Variants in PRKD1 observed in about 807,000 individuals in gnomAD.
The protein encoded by PRKD1 is protein kinase D1, also known as serine/threonine-protein kinase D1.
Under a neutral mutation model 95.9 loss-of-function variants are expected in PRKD1, and 63 were observed. That is an observed-to-expected ratio of 0.66 (90% CI 0.54 to 0.81). The LOEUF (loss-of-function observed/expected upper bound fraction) is 0.81, where lower values mean the gene tolerates loss of function less well. PRKD1 is among the 30% of genes least tolerant of loss of function. The pLI, the probability that PRKD1 is intolerant of heterozygous loss-of-function variation, is 0.00. For synonymous variants in PRKD1, 425 were observed against 423.1 expected (o/e 1.00, Z -0.05); for missense variants, 1,048 against 1,165.3 (o/e 0.90, Z 1.47).
chr14:29,780,152 G>T (rs1353129704), intron 1 of PRKD1, among the ~76,000 whole-genome samples: 4 of 152,290 alleles, frequency 2.6e-5, no homozygotes, highest in South Asian at 2.1e-4. Context: ...ATGGATTAAA[G>T]ACTTAAATAT....
chr14:29,595,286 ACT>A (rs1475693719), intron 16 of PRKD1, among the ~76,000 whole-genome samples: 1 of 152,090 alleles, frequency 6.6e-6, no homozygotes, highest in Admixed American at 6.6e-5. Flanking sequence ...TCCATTCTTC[ACT>A]GACTGGCCTA....
chr14:29,578,034 G>C (rs751681107), intron 17 of PRKD1, among the ~76,000 whole-genome samples: 1 of 151,688 alleles, frequency 6.6e-6, no homozygotes, highest in African/African-American at 2.4e-5. Flanking sequence ...TTTGGTTTTG[G>C]GCTGTGTGTG....
chr14:29,816,638 G>A lies in PRKD1; in HGVS notation c.265-90964C>T, dbSNP rs112327479. ...CTTTTTCTCTTAAAATATAACCTCA[G>A]CCATATCATGACAAATCACCAGAAG... On this transcript the variant is annotated intron_variant, in intron 1 of 17. Transcript: ENST00000331968. Among the ~76,000 whole-genome samples, 1,084 of 152,190 alleles carry A rather than the reference G, an allele frequency of 7.1e-3. 15 individuals carry two copies. Among genetic ancestry groups the A allele is most frequent in the African/African-American group, 0.024 (998 of 41,500 alleles).
chr14:29,871,718 T>C (rs900448935), intron 1 of PRKD1, among the ~76,000 whole-genome samples: 1 of 152,206 alleles, frequency 6.6e-6, no homozygotes, highest in African/African-American at 2.4e-5. Flanking sequence ...TGTAGGCCCA[T>C]GGGTATGAGT....
chr14:29,890,320 A>G (rs1893894786), intron 1 of PRKD1, among the ~76,000 whole-genome samples: 2 of 152,184 alleles, frequency 1.3e-5, no homozygotes, highest in African/African-American at 4.8e-5. Context: ...TTTGAAAGTG[A>G]GCGCTTCATC....
intron 4 of PRKD1, among the ~76,000 whole-genome samples, chr14:29,647,252 C>T (rs1156358156): frequency 1.3e-5 from 2 of 152,042 alleles, no homozygotes; most frequent in African/African-American, 4.8e-5. Context: ...CTAAAGTAAT[C>T]GTGGAAGTTA....
chr14:29,732,436 CTA>C (rs1258879529), intron 1 of PRKD1, among the ~76,000 whole-genome samples: 4 of 152,006 alleles, frequency 2.6e-5, no homozygotes, highest in Non-Finnish European at 4.4e-5. Flanking sequence ...TGCTATTTTT[CTA>C]TGTCTTTTAC....
At chr14:29,909,433 G>A (rs545476230) in intron 1 of PRKD1, among the ~76,000 whole-genome samples, 25 of 152,264 alleles carry the variant, frequency 1.6e-4, no homozygotes, top group African/African-American at 4.3e-4. Flanking sequence ...CTCCACCTGC[G>A]GCCTGGGTGC....
intron 1 of PRKD1, among the ~76,000 whole-genome samples, chr14:29,809,576 C>A (rs1446377138): frequency 1.3e-5 from 2 of 152,326 alleles, no homozygotes; most frequent in East Asian, 3.9e-4. Context: ...ATGGTGATGG[C>A]TTCTTTCTTT....
At chr14:29,869,049 T>G (rs1052244258) in intron 1 of PRKD1, among the ~76,000 whole-genome samples, 2 of 152,138 alleles carry the variant, frequency 1.3e-5, no homozygotes, top group African/African-American at 4.8e-5. Flanking sequence ...AACATAATCC[T>G]AAATTCTAGA....
chr14:29,589,561 T>A (rs1893053588), intron 16 of PRKD1, among the ~76,000 whole-genome samples: 1 of 152,274 alleles, frequency 6.6e-6, no homozygotes, highest in South Asian at 2.1e-4. Context: ...TCAGTCACAT[T>A]GCAGCAATTA....
At chr14:29,859,146 C>T (rs1030935889) in intron 1 of PRKD1, among the ~76,000 whole-genome samples, 2 of 152,196 alleles carry the variant, frequency 1.3e-5, no homozygotes, top group South Asian at 4.1e-4. Flanking sequence ...CATCAAAAGT[C>T]AAAGCCAAGC....
At chr14:29,586,428 C>T (rs1201854542) in intron 16 of PRKD1, among the ~76,000 whole-genome samples, 1 of 152,150 alleles carries the variant, frequency 6.6e-6, no homozygotes, top group Non-Finnish European at 1.5e-5. Flanking sequence ...TATTTAGGTC[C>T]TTCTCTCTCA....
chr14:29,697,991 G>C (rs949594364), intron 2 of PRKD1, among the ~76,000 whole-genome samples: 4 of 152,136 alleles, frequency 2.6e-5, no homozygotes, highest in Non-Finnish European at 4.4e-5. Context: ...GAAAACAAGA[G>C]ATGTTCAAAT....
intron 16 of PRKD1, among the ~76,000 whole-genome samples, 177 bp from the exon 17 acceptor site, chr14:29,578,537 G>T (rs1594333477): frequency 1.1e-5 from 1 of 94,756 alleles, no homozygotes; most frequent in Non-Finnish European, 1.9e-5. Context: ...ATTTTATTTT[G>T]GATACTAAAA....
At chr14:29,765,353 C>A (rs1234020719) in intron 1 of PRKD1, among the ~76,000 whole-genome samples, 1 of 151,986 alleles carries the variant, frequency 6.6e-6, no homozygotes, top group African/African-American at 2.4e-5. Flanking sequence ...ATGAACACAC[C>A]CACCTGAATA....
chr14:29,702,497 C>A (rs1048326656), intron 2 of PRKD1, among the ~76,000 whole-genome samples: 5 of 151,988 alleles, frequency 3.3e-5, no homozygotes, highest in Admixed American at 1.3e-4. Flanking sequence ...ACTTGCTACA[C>A]ATTTATCTCA....
At chr14:29,859,245 G>T (rs1365942943) in intron 1 of PRKD1, among the ~76,000 whole-genome samples, 1 of 152,092 alleles carries the variant, frequency 6.6e-6, no homozygotes, top group Non-Finnish European at 1.5e-5. Flanking sequence ...GCCGAGGCGG[G>T]TGGATCACGA....
chr14:29,717,640 C>T (rs1594455161), intron 2 of PRKD1, among the ~76,000 whole-genome samples: 1 of 151,908 alleles, frequency 6.6e-6, no homozygotes, highest in South Asian at 2.1e-4. Context: ...TGTTATGTTA[C>T]CATCACTATT....
Sources: gnomAD v4.1 joint callset for allele counts (sites outside exome capture counted in the v4.1 genomes callset) on GRCh38, gnomAD v4.1.1 for gene constraint, MANE v1.5 for transcripts, NCBI Gene and HGNC (gene_info 2026-07-23, HGNC 2026-07-21) for gene names.